The following ATN1 variants were observed in gnomAD, a reference collection of about 807,000 sequenced individuals.
ATN1 encodes the protein atrophin 1, also known as atrophin-1.
In ATN1, 19 loss-of-function variants were observed where a neutral mutation model predicts 85.8. The ratio of observed to expected loss-of-function variants is 0.22; its 90% CI spans 0.15 to 0.32. The LOEUF is 0.32. Among genes scored for constraint, ATN1 ranks in the 10% least tolerant of loss-of-function variants. The probability of loss-of-function intolerance (pLI) is 1.00; values close to 1 mark genes in which losing one functional copy is unlikely to be tolerated. For missense variants in ATN1, 1,453 were observed against 1,564.5 expected (o/e 0.93, Z 1.20); for synonymous variants, 674 against 657.0 (o/e 1.03, Z -0.39).
At chr12:6,929,260 C>T (rs1555142867) in intron 1 of ATN1, among the ~76,000 whole-genome samples, 1 of 151,998 alleles carries the variant, frequency 6.6e-6, no homozygotes, top group Non-Finnish European at 1.5e-5. Flanking sequence ...GCGACCTCCA[C>T]CCTCCACCCT....
chr12:6,930,630 G>C (rs1230608610), intron 1 of ATN1, among the ~76,000 whole-genome samples: 10 of 151,892 alleles, frequency 6.6e-5, no homozygotes, highest in African/African-American at 1.9e-4. Context: ...CCCGTCTCTA[G>C]TAAAAATACA....
Position 6,936,884 on chromosome 12 carries a change from G to C in ATN1, c.1617G>C (p.Leu539=). ...PYAMSPSLGS[L]RPYPPGPAHL... ...CCATGTCTCCCTCCCTGGGGTCTCT[G>C]AGGCCCTACCCACCAGGGCCAGCAC... The change falls in exon 5 of 10, where the codon CTG becomes CTC. Residue 539 remains leucine, a synonymous_variant. Transcript: ENST00000396684. The C allele has an allele frequency of 1.2e-6, 2 of 1,613,948 alleles. No individual in the cohort carries two copies. Among genetic ancestry groups the C allele is most frequent in the South Asian group, 2.2e-5 (2 of 91,074 alleles).
At position 6,932,876 on chromosome 12, in the gene ATN1, G is replaced by A. The variant is rs782684100; in HGVS notation, c.-162-964G>A. Among the ~76,000 whole-genome samples the A allele has an allele frequency of 1.6e-4, 25 of 152,310 alleles. No homozygotes were observed. The South Asian group carries it at 5.0e-3, about 30-fold the overall frequency. On this transcript the variant is annotated intron_variant, in intron 1 of 9. Coordinates refer to ENST00000396684, the MANE Select transcript of ATN1 (RefSeq NM_001940.4). ...GGGACATTCTTCTTCTACCTACTCT[G>A]ATGTGAGAAAAGATTCTTTTCATAT...
rs369625688 is a variant in ATN1 at position 6,941,535 on chromosome 12, G to T, written c.3520G>T (p.Ala1174Ser). Residue 1174 changes from alanine (A) to serine (S), a missense_variant, in exon 9 of 10, where the codon GCC becomes TCC. By Grantham distance (99) the Ala-to-Ser change is moderately conservative (BLOSUM62 1). Around this residue, in one of 6 missense-constraint regions of ATN1, gnomAD observed 118 missense variants for 163.7 expected, o/e 0.72. Coordinates refer to ENST00000396684, the MANE Select transcript of ATN1 (RefSeq NM_001940.4). This position sits in a 1 kb window ranked among gnomAD's most constrained non-coding sequence, Gnocchi z 5.9. ...HHPLHSVPLP[A>S]QEDYYSHLKK... ...CCCGCTGCACAGTGTGCCGCTGCCT[G>T]CCCAGGAGGACTACTACAGGTACCC... The T allele has an allele frequency of 1.2e-6, 2 of 1,612,600 alleles. No individual in the cohort carries two copies. Among genetic ancestry groups the T allele is most frequent in the Non-Finnish European group, 8.5e-7 (1 of 1,179,894 alleles).
At chr12:6,930,591 T>C (rs7306727) in intron 1 of ATN1, among the ~76,000 whole-genome samples, 67,844 of 151,846 alleles carry the variant, frequency 0.45, 18,672 homozygotes, top group African/African-American at 0.79. Flanking sequence ...GTCAGGCGAT[T>C]GAGACCATCC....
chr12:6,935,864 G>GC lies in ATN1; in HGVS notation c.603dup (p.Thr202HisfsTer47). The GC allele has an allele frequency of 6.2e-7, 1 of 1,613,766 alleles. No individual in the cohort carries two copies. Among genetic ancestry groups the GC allele is most frequent in the Non-Finnish European group, 8.5e-7 (1 of 1,179,804 alleles). The stretch of plus-strand genomic sequence containing the variant: ...CCACTGGATATCATGCTCCCATGGA[G>GC]CCCCCCACATCTCGAATGTTCCAGG... On this transcript the variant is annotated frameshift_variant, in exon 5 of 10. Transcript: ENST00000396684. LOFTEE classifies it high-confidence loss of function. The surrounding 1 kb of genome is among the most constrained non-coding windows in gnomAD (Gnocchi z 5.3).
At position 6,935,792 on chromosome 12, in the gene ATN1, CCCT is replaced by C. The variant is rs2138211111; in HGVS notation, c.527_529del (p.Pro176del). 6.2e-7 allele frequency: 1 copy of C among 1,613,900 alleles called. No homozygotes were observed. Among genetic ancestry groups the C allele is most frequent in the Non-Finnish European group, 8.5e-7 (1 of 1,179,850 alleles). Reference sequence around the variant, plus strand: ...CTTCCCCTCAACCGCCAGACAGCACCCCTCGACAGCCAGAGGCTAGCTTTGAAC... The same window carrying C: ...CTTCCCCTCAACCGCCAGACAGCACCCGACAGCCAGAGGCTAGCTTTGAAC... On this transcript the variant is annotated inframe_deletion, in exon 5 of 10. Coordinates refer to ENST00000396684, the MANE Select transcript of ATN1 (RefSeq NM_001940.4). This position sits in a 1 kb window ranked among gnomAD's most constrained non-coding sequence, Gnocchi z 5.3.
chr12:6,935,402 G>GT lies in ATN1; in HGVS notation c.280-144dup. ...GAGGAAAGTGAGAAATCCCCAGATG[G>GT]TAAGAGGTGGGCTTGAGCAAGAGTA... On this transcript the variant is annotated intron_variant, in intron 4 of 9. Transcript: ENST00000396684. This position sits in a 1 kb window ranked among gnomAD's most constrained non-coding sequence, Gnocchi z 5.3. 1.1e-6 allele frequency: 1 copy of GT among 880,760 alleles called. No homozygotes were observed. 54.6% of individuals were successfully genotyped at this position (880,760 alleles called of 1,614,324 possible). A position where few individuals can be genotyped will look rare whatever the true frequency, so the allele number is the denominator to read the frequency against.
chr12:6,925,079 T>C (rs1335497858), upstream of ATN1, among the ~76,000 whole-genome samples: 1 of 148,700 alleles, frequency 6.7e-6, no homozygotes, highest in Non-Finnish European at 1.5e-5. Flanking sequence ...GAGAGGGAGC[T>C]GGGGTGAGGG....
In ATN1 at chr12:6,939,217, C is replaced by T. The variant is rs782429556; in HGVS notation, c.3214+40C>T. On this transcript the variant is annotated intron_variant, in intron 7 of 9. Transcript: ENST00000396684. ...TCCTTGCCCTGGCCCTTTGGGGCCA[C>T]CTTCCCCCTATCATGACTGGGCTCT... 7.7e-6 allele frequency: 12 copies of T among 1,550,286 alleles called. No homozygotes were observed. The South Asian group carries it at 9.4e-5, about 12-fold the overall frequency.
intron 7 of ATN1, among the ~76,000 whole-genome samples, chr12:6,939,646 CGT>C (rs1286345617): frequency 1.3e-5 from 2 of 152,128 alleles, no homozygotes; most frequent in Admixed American, 6.5e-5. Context: ...GGATTACAGG[CGT>C]GTGTCACCAT....
At position 6,928,350 on chromosome 12, in the gene ATN1, C is replaced by T. The variant is rs1363843842; in HGVS notation, c.-197C>T. The T allele has an allele frequency of 6.6e-6, 1 of 151,288 alleles. No homozygotes were observed. The highest frequency in any genetic ancestry group is 2.4e-5 in the African/African-American group (1 of 41,208). The allele number at this position is 151,288 out of a possible 1,614,324, so 9.4% of individuals were successfully genotyped here. A position where few individuals can be genotyped will look rare whatever the true frequency, so the allele number is the denominator to read the frequency against. ...AGAGGCGCCGGAGCCCGGAATCCCG[C>T]TCGGAGCCAGCCAGCCGTCCCGAGC... On this transcript the variant is annotated 5_prime_UTR_variant, in exon 1 of 10. Coordinates refer to ENST00000396684, the MANE Select transcript of ATN1 (RefSeq NM_001940.4).
chr12:6,931,701 G>A (rs782028667), intron 1 of ATN1, among the ~76,000 whole-genome samples: 2 of 127,458 alleles, frequency 1.6e-5, no homozygotes, highest in South Asian at 4.8e-4. Context: ...GGGAACAAGA[G>A]CAAAGATCCA....
At chr12:6,930,686 C>T (rs1159390091) in intron 1 of ATN1, among the ~76,000 whole-genome samples, 2 of 152,098 alleles carry the variant, frequency 1.3e-5, no homozygotes, top group African/African-American at 4.8e-5. Flanking sequence ...GTCCCAGCTA[C>T]TCAGGAGGCT....
At position 6,936,795 on chromosome 12, in the gene ATN1, C is replaced by A. The variant is rs1555143810; in HGVS notation, c.1528C>A (p.Pro510Thr). The change falls in exon 5 of 10, where the codon CCT becomes ACT. Residue 510 changes from proline (P) to threonine (T), a missense_variant. By Grantham distance (38) the Pro-to-Thr change is conservative. This residue lies in a region of ATN1 where 990 missense variants were observed against 914.8 expected (regional missense o/e 1.08). Transcript: ENST00000396684. ...QQQHHGNSGP[P>T]PPGAFPHPLE... Reference sequence around the variant, plus strand: ...GCAGCATCACGGAAACTCTGGGCCCCCTCCTCCTGGAGCATTTCCCCACCC... The same window carrying A: ...GCAGCATCACGGAAACTCTGGGCCCACTCCTCCTGGAGCATTTCCCCACCC... 6.2e-7 allele frequency: 1 copy of A among 1,613,354 alleles called. No homozygotes were observed. The highest frequency in any genetic ancestry group is 2.2e-5 in the East Asian group (1 of 44,756).
At position 6,941,212 on chromosome 12, in the gene ATN1, C is replaced by T. The variant is rs1479657481; in HGVS notation, c.3359-162C>T. Among the ~76,000 whole-genome samples the T allele has an allele frequency of 6.6e-6, 1 of 152,134 alleles. No homozygotes were observed. Among genetic ancestry groups the T allele is most frequent in the Non-Finnish European group, 1.5e-5 (1 of 68,006 alleles). ...AGTTTTAGTGTCAGCCTAAGAGGTT[C>T]GAATCCCAATTCCACCCTACCACTG... On this transcript the variant is annotated intron_variant, in intron 8 of 9. Transcript: ENST00000396684. The surrounding 1 kb of genome is among the most constrained non-coding windows in gnomAD (Gnocchi z 5.9).
At chr12:6,938,207 A>G (rs1020942297) in intron 6 of ATN1, 140 bp downstream of exon 6, 17 of 1,423,820 alleles carry the variant, frequency 1.2e-5, no homozygotes, top group Non-Finnish European at 1.6e-5. Flanking sequence ...GAGGGGAGGT[A>G]CCACTGCAGC....
intron 7 of ATN1, among the ~76,000 whole-genome samples, 172 bp from the exon 8 acceptor site, chr12:6,940,708 C>G (rs1426309182): frequency 6.6e-6 from 1 of 152,160 alleles, no homozygotes; most frequent in Non-Finnish European, 1.5e-5. Flanking sequence ...TCCAGTAGGG[C>G]TCAGCCTGTC....
chr12:6,936,911 C>A lies in ATN1; in HGVS notation c.1644C>A (p.His548Gln), dbSNP rs782551135. Residue 548 changes from histidine to glutamine, a missense_variant, in exon 5 of 10, where the codon CAC (histidine) becomes CAA (glutamine). Coordinates refer to ENST00000396684, the MANE Select transcript of ATN1 (RefSeq NM_001940.4). Reference sequence around the variant, plus strand: ...GGCCCTACCCACCAGGGCCAGCACACCTGCCCCCACCTCACAGCCAGGTGT... The same window carrying A: ...GGCCCTACCCACCAGGGCCAGCACAACTGCCCCCACCTCACAGCCAGGTGT... ...SLRPYPPGPAHLPPPHSQVSY... is the reference protein window; with the variant it reads ...SLRPYPPGPAQLPPPHSQVSY... 2 of 1,614,070 alleles carry A rather than the reference C, an allele frequency of 1.2e-6. No homozygotes were observed. The highest frequency in any genetic ancestry group is 1.7e-6 in the Non-Finnish European group (2 of 1,179,988).
Sources: allele counts gnomAD v4.1 joint callset (sites outside exome capture counted in the v4.1 genomes callset), GRCh38; gene constraint gnomAD v4.1.1; regional missense constraint gnomAD v4.1.1; non-coding constraint Gnocchi (gnomAD v3.1); transcripts MANE v1.5; gene names NCBI Gene and HGNC (gene_info 2026-07-23, HGNC 2026-07-21).